The following UNK variants were observed in gnomAD, a reference collection of about 807,000 sequenced individuals.
UNK encodes the protein unk zinc finger, also known as RING finger protein unkempt homolog.
Under a neutral mutation model 97.6 loss-of-function variants are expected in UNK, and 32 were observed. That is an observed-to-expected ratio of 0.33 (90% CI 0.25 to 0.44). The LOEUF (loss-of-function observed/expected upper bound fraction) is 0.44. Ranked by LOEUF, UNK falls within the 20% of genes least tolerant of loss-of-function variation. UNK has a pLI of 1.00. For missense variants in UNK, 771 were observed against 1,098.4 expected, an observed-to-expected ratio of 0.70 and a Z score of 4.21; for synonymous variants, 441 against 461.2, an observed-to-expected ratio of 0.96 and a Z score of 0.56.
intron 1 of UNK, among the ~76,000 whole-genome samples, chr17:75,794,812 C>T (rs944030585): frequency 1.3e-5 from 2 of 152,126 alleles, no homozygotes; most frequent in Non-Finnish European, 2.9e-5. Flanking sequence ...TATTACCTGT[C>T]TCATGGGGTT....
intron 1 of UNK, chr17:75,791,796 A>G (rs2061765914): frequency 1.0e-6 from 1 of 985,266 alleles, no homozygotes; most frequent in Non-Finnish European, 1.2e-6. Flanking sequence ...CCCACAACCC[A>G]TATGCATCTG....
intron 14 of UNK, among the ~76,000 whole-genome samples, chr17:75,822,867 C>T (rs2062081802): frequency 6.6e-6 from 1 of 152,234 alleles, no homozygotes; most frequent in African/African-American, 2.4e-5. Context: ...GCTTCAAATT[C>T]TCTCTGTGAG....
Position 75,812,281 on chromosome 17 carries a change from G to C in UNK, c.484G>C (p.Asp162His), listed in dbSNP as rs1198773875. 2 of 1,610,822 alleles carry C rather than the reference G, an allele frequency of 1.2e-6. No individual in the cohort carries two copies. Among genetic ancestry groups the C allele is most frequent in the East Asian group, 2.2e-5 (1 of 44,858 alleles). The change falls in exon 3 of 16, where the codon GAC becomes CAC. Residue 162 changes from aspartate (D) to histidine (H), a missense_variant. Asp to His is a moderately conservative substitution (Grantham distance 81, BLOSUM62 -1). This residue lies in a region of UNK where 246 missense variants were observed against 440.7 expected (regional missense o/e 0.56). Coordinates refer to ENST00000589666, the MANE Select transcript of UNK (RefSeq NM_001080419.3). ...GPHDLRSPVY[D>H]IRELQAMEAL... Reference sequence around the variant, plus strand: ...CCATGACCTCCGCTCCCCTGTCTACGACATCAGGTGGGCTGGGTGCTGGGC... The same window carrying C: ...CCATGACCTCCGCTCCCCTGTCTACCACATCAGGTGGGCTGGGTGCTGGGC...
intron 6 of UNK, among the ~76,000 whole-genome samples, chr17:75,814,281 C>G (rs2061997336): frequency 6.6e-6 from 1 of 152,044 alleles, no homozygotes; most frequent in African/African-American, 2.4e-5. Context: ...GTGGGTGCAT[C>G]ACTTGAGGTC....
rs781118270 is a variant in UNK, at chr17:75,819,042, C to A, written c.1546+226C>A. On this transcript the variant is annotated intron_variant, in intron 11 of 15. Transcript: ENST00000589666. This position sits in a 1 kb window ranked among gnomAD's most constrained non-coding sequence, Gnocchi z 5.4. ...CCTTTGTGCAAATTAGAAAGAGGTG[C>A]CTTTTCCCCTTGGTGAGTACAGTCT... The A allele has an allele frequency of 4.1e-5, 20 of 488,684 alleles. No individual in the cohort carries two copies. The highest frequency in any genetic ancestry group is 6.0e-5 in the Non-Finnish European group (17 of 284,114). 30.3% of individuals were successfully genotyped at this position (488,684 alleles called of 1,614,324 possible).
Position 75,820,016 on chromosome 17 carries a change from G to C in UNK, c.1745G>C (p.Ser582Thr). The stretch of plus-strand genomic sequence containing the variant: ...TCAGCATCCCCGTCCCCTCCCGTCA[G>C]CCTCTCCTCGCATTTCCTGCAGCAG... The part of the protein sequence containing the change: ...FHSASPSPPV[S>T]LSSHFLQQPQ... The change falls in exon 13 of 16, where the codon AGC becomes ACC. Residue 582 changes from serine (S) to threonine (T), a missense_variant. By Grantham distance (58) the Ser-to-Thr change is moderately conservative (BLOSUM62 1). Around this residue, in one of 5 missense-constraint regions of UNK, gnomAD observed 91 missense variants for 173.1 expected, o/e 0.53. Coordinates refer to ENST00000589666, the MANE Select transcript of UNK (RefSeq NM_001080419.3). 1.2e-6 allele frequency: 2 copies of C among 1,613,910 alleles called. No homozygotes were observed. The highest frequency in any genetic ancestry group is 1.7e-6 in the Non-Finnish European group (2 of 1,179,882).
chr17:75,792,066 G>A (rs2061767912), intron 1 of UNK: 2 of 985,176 alleles, frequency 2.0e-6, no homozygotes, highest in South Asian at 4.7e-5. Flanking sequence ...GCACGCTTAG[G>A]TAACTAGAGC....
At position 75,818,229 on chromosome 17, in the gene UNK, A is replaced by G; in HGVS notation, c.1371+61A>G. ...GTGGACAGGAGTGGCCCAGAACCCC[A>G]GGAGGCTTCGGGGAGTGGGAGGCAC... On this transcript the variant is annotated intron_variant, in intron 10 of 15. Transcript: ENST00000589666. This position sits in a 1 kb window ranked among gnomAD's most constrained non-coding sequence, Gnocchi z 5.1. 1 of 1,589,550 alleles carries G rather than the reference A, an allele frequency of 6.3e-7. No individual in the cohort carries two copies. The highest frequency in any genetic ancestry group is 1.1e-5 in the South Asian group (1 of 89,804).
At position 75,823,368 on chromosome 17, in the gene UNK, T is replaced by G. The variant is rs1383601480; in HGVS notation, c.2123T>G (p.Val708Gly). The G allele has an allele frequency of 1.2e-6, 2 of 1,610,674 alleles. No individual in the cohort carries two copies. Among genetic ancestry groups the G allele is most frequent in the Admixed American group, 1.7e-5 (1 of 59,864 alleles). Residue 708 changes from valine to glycine, a missense_variant, in exon 15 of 16, where the codon GTG becomes GGG. Val to Gly is a moderately radical substitution (Grantham distance 109). Transcript: ENST00000589666. ...LAREQRDALE[V>G]QVKKLQEELE... ...CGGGAGCAGCGGGATGCACTGGAGG[T>G]GCAGGTGAAGAAGCTCCAGGAGGAG... is the stretch of plus-strand genomic sequence containing the variant.
intron 1 of UNK, among the ~76,000 whole-genome samples, chr17:75,806,381 C>A (rs936604942): frequency 1.3e-5 from 2 of 151,860 alleles, no homozygotes; most frequent in Non-Finnish European, 2.9e-5. Flanking sequence ...ATTGCTTGAA[C>A]CTGGGAGGCA....
At chr17:75,807,256 G>A (rs983407655) in intron 1 of UNK, among the ~76,000 whole-genome samples, 3 of 152,152 alleles carry the variant, frequency 2.0e-5, no homozygotes, top group Admixed American at 1.3e-4. Context: ...GAATAGTGGC[G>A]TATACCTGCA....
chr17:75,821,785 G>C (rs2062071071), intron 13 of UNK: 1 of 453,500 alleles, frequency 2.2e-6, no homozygotes, highest in Non-Finnish European at 4.4e-6. Flanking sequence ...CCTGATGTTA[G>C]TAAACATCTG....
At chr17:75,802,937 C>T (rs907939973) in intron 1 of UNK, among the ~76,000 whole-genome samples, 2 of 146,574 alleles carry the variant, frequency 1.4e-5, no homozygotes, top group Admixed American at 6.8e-5. Context: ...CCACCCTGGC[C>T]AACATGGTGA....
In UNK at chr17:75,817,004, A is replaced by C. The variant is rs2062022225; in HGVS notation, c.1104+92A>C. 4.1e-6 allele frequency: 6 copies of C among 1,465,248 alleles called. 1 individual carries two copies. The highest frequency in any genetic ancestry group is 1.8e-4 in the Middle Eastern group (1 of 5,536). 90.8% of individuals were successfully genotyped at this position (1,465,248 alleles called of 1,614,324 possible). A position where few individuals can be genotyped will look rare whatever the true frequency, so the allele number is the denominator to read the frequency against. ...CCTTTCAGCCTGGGCTTGGGAGACCATCCTGGTATTTGTCCTCAGGCCAGG... is the reference window on the plus strand; with the variant it reads ...CCTTTCAGCCTGGGCTTGGGAGACCCTCCTGGTATTTGTCCTCAGGCCAGG... On this transcript the variant is annotated intron_variant, in intron 8 of 15. Coordinates refer to ENST00000589666, the MANE Select transcript of UNK (RefSeq NM_001080419.3). The surrounding 1 kb of genome is among the most constrained non-coding windows in gnomAD (Gnocchi z 5.8).
chr17:75,816,815 G>A lies in UNK; in HGVS notation c.1007G>A (p.Ser336Asn), dbSNP rs1371277354. ...DDLQPSSAVS[S>N]PTQPGPVLYM... The stretch of plus-strand genomic sequence containing the variant: ...CTGCAGCCTTCCTCAGCTGTGTCCA[G>A]CCCCACCCAGCCAGGTCCTGTCCTG... The change falls in exon 8 of 16, where the codon AGC (serine) becomes AAC (asparagine). Residue 336 changes from serine (S) to asparagine (N), a missense_variant. Physicochemically the swap from Ser to Asn is conservative, Grantham distance 46. This residue lies in a region of UNK where 192 missense variants were observed against 202.4 expected (regional missense o/e 0.95). Coordinates refer to ENST00000589666, the MANE Select transcript of UNK (RefSeq NM_001080419.3). The surrounding 1 kb of genome is among the most constrained non-coding windows in gnomAD (Gnocchi z 4.0). The A allele has an allele frequency of 1.2e-6, 2 of 1,606,572 alleles. No individual in the cohort carries two copies. Among genetic ancestry groups the A allele is most frequent in the South Asian group, 1.1e-5 (1 of 90,822 alleles).
At chr17:75,793,613 A>G in intron 1 of UNK, 1 of 985,436 alleles carries the variant, frequency 1.0e-6, no homozygotes, top group Non-Finnish European at 1.2e-6. Flanking sequence ...AGCCTGTGAC[A>G]GTATCATCAA....
chr17:75,822,363 A>C (rs529069467), intron 13 of UNK, 114 bp from the exon 14 acceptor site: 3 of 1,270,636 alleles, frequency 2.4e-6, no homozygotes, highest in African/African-American at 3.0e-5. Flanking sequence ...CACTAGCTGG[A>C]GCCTTGCACA....
intron 13 of UNK, chr17:75,821,808 G>A (rs546784734): frequency 2.0e-5 from 9 of 440,598 alleles, no homozygotes; most frequent in Non-Finnish European, 1.8e-5. Flanking sequence ...GAGCGAGTGA[G>A]CAGAGGGCAG....
chr17:75,804,234 A>G (rs987275144), intron 1 of UNK, among the ~76,000 whole-genome samples: 4 of 152,204 alleles, frequency 2.6e-5, no homozygotes, highest in Non-Finnish European at 4.4e-5. Context: ...TGGGTAGATC[A>G]CTTGAGGTCA....
Sources: allele counts gnomAD v4.1 joint callset (sites outside exome capture counted in the v4.1 genomes callset), GRCh38; gene constraint gnomAD v4.1.1; regional missense constraint gnomAD v4.1.1; non-coding constraint Gnocchi (gnomAD v3.1); transcripts MANE v1.5; gene names NCBI Gene and HGNC (gene_info 2026-07-23, HGNC 2026-07-21).